CMYA5: variants seen among roughly 807,000 people sequenced by gnomAD.
The protein encoded by CMYA5 is cardiomyopathy associated 5, also known as cardiomyopathy-associated protein 5.
In CMYA5, 246 loss-of-function variants were observed where a neutral mutation model predicts 318.9. That is an observed-to-expected ratio of 0.77 (90% confidence interval 0.70 to 0.86). The LOEUF (loss-of-function observed/expected upper bound fraction) is 0.86, where lower values mean the gene tolerates loss of function less well. Among genes scored for constraint, CMYA5 ranks in the 40% least tolerant of loss-of-function variants. CMYA5 has a pLI of 0.00. For missense variants in CMYA5, 4,589 were observed against 4,678.2 expected, an observed-to-expected ratio of 0.98 and a Z score of 0.56; for synonymous variants, 1,641 against 1,729.5, an observed-to-expected ratio of 0.95 and a Z score of 1.27.
At chr5:79,793,332 G>C (rs1033352288) in intron 11 of CMYA5, 105 bp from the exon 12 acceptor site, 3 of 1,128,772 alleles carry the variant, frequency 2.7e-6, no homozygotes, top group Non-Finnish European at 3.9e-6. Context: ...CAGTTTCCAA[G>C]GGCAGAATCC....
intron 12 of CMYA5, among the ~76,000 whole-genome samples, chr5:79,795,376 A>G (rs528705942): frequency 6.6e-6 from 1 of 152,066 alleles, no homozygotes; most frequent in African/African-American, 2.4e-5. Context: ...TCTTGATTCT[A>G]CTCACAGAAT....
intron 1 of CMYA5, among the ~76,000 whole-genome samples, chr5:79,715,794 A>G (rs534759953): frequency 3.3e-5 from 5 of 152,296 alleles, no homozygotes; most frequent in African/African-American, 1.2e-4. Context: ...TCAAATTGTC[A>G]ACCCTATTTT....
Position 79,734,352 on chromosome 5 carries a change from T to G in CMYA5, c.5587T>G (p.Leu1863Val), listed in dbSNP as rs1184674239. Reference sequence around the variant, plus strand: ...TTCACTTATGAGAGAGAATTTGCCTTTGGAACAATCAAAATCATTTATGAC... The same window carrying G: ...TTCACTTATGAGAGAGAATTTGCCTGTGGAACAATCAAAATCATTTATGAC... ...QFSLMRENLP[L>V]EQSKSFMTTK... Residue 1863 changes from leucine to valine, a missense_variant, in exon 2 of 13, where the codon TTG becomes GTG. Transcript: ENST00000446378. 2 of 1,613,742 alleles carry G rather than the reference T, an allele frequency of 1.2e-6. No homozygotes were observed. The highest frequency in any genetic ancestry group is 1.3e-5 in the African/African-American group (1 of 74,922).
intron 1 of CMYA5, among the ~76,000 whole-genome samples, chr5:79,695,724 G>A (rs779514552): frequency 4.6e-5 from 7 of 152,188 alleles, no homozygotes; most frequent in Admixed American, 1.3e-4. Flanking sequence ...GAGTGGAAGC[G>A]GTTAATTTCA....
chr5:79,756,828 A>AATATTT (rs1271094033), intron 6 of CMYA5, among the ~76,000 whole-genome samples: 2 of 152,172 alleles, frequency 1.3e-5, no homozygotes, highest in African/African-American at 2.4e-5. Context: ...CCATATTATT[A>AATATTT]ATATTTCAGT....
chr5:79,791,172 G>A (rs1580809276), intron 11 of CMYA5, 103 bp downstream of exon 11: 1 of 716,660 alleles, frequency 1.4e-6, no homozygotes, highest in African/African-American at 1.7e-5. Context: ...ATGGTGCAGT[G>A]AACATGTCGG....
intron 9 of CMYA5, 105 bp downstream of exon 9, chr5:79,763,314 A>C (rs961518356): frequency 1.8e-5 from 19 of 1,038,316 alleles, no homozygotes; most frequent in Non-Finnish European, 2.6e-5. Context: ...AATGCCGTCT[A>C]AAATCCTGCT....
intron 2 of CMYA5, 48 bp from the exon 3 acceptor site, chr5:79,743,779 C>G (rs946869782): frequency 2.9e-5 from 29 of 1,013,328 alleles, no homozygotes; most frequent in African/African-American, 4.9e-5. Flanking sequence ...GGTTGAAGTT[C>G]TCTTCCTAAA....
chr5:79,797,041 A>G (rs1000195618), intron 12 of CMYA5, among the ~76,000 whole-genome samples: 32 of 152,228 alleles, frequency 2.1e-4, no homozygotes, highest in African/African-American at 6.8e-4. Context: ...GTATTTTCCA[A>G]TCTAGAAATG....
At chr5:79,712,310 T>G (rs1827410554) in intron 1 of CMYA5, among the ~76,000 whole-genome samples, 1 of 152,172 alleles carries the variant, frequency 6.6e-6, no homozygotes, top group African/African-American at 2.4e-5. Context: ...GTCTCCCAGA[T>G]TCAAGCGATT....
intron 1 of CMYA5, among the ~76,000 whole-genome samples, chr5:79,720,297 A>AGC (rs1827595422): frequency 6.6e-6 from 1 of 152,194 alleles, no homozygotes; most frequent in Admixed American, 6.5e-5. Flanking sequence ...GTAGTGGGGG[A>AGC]AAAAAGTCCA....
chr5:79,760,907 G>A (rs1166225841), intron 7 of CMYA5, among the ~76,000 whole-genome samples: 3 of 152,170 alleles, frequency 2.0e-5, no homozygotes, highest in African/African-American at 7.2e-5. Flanking sequence ...CATTGGAAAG[G>A]AGAGAGGCAA....
intron 2 of CMYA5, among the ~76,000 whole-genome samples, chr5:79,742,095 CTTCTTT>C (rs1384771214): frequency 4.2e-5 from 5 of 118,750 alleles, no homozygotes; most frequent in Middle Eastern, 4.5e-3. Flanking sequence ...TCTTCTTCTT[CTTCTTT>C]CTTCTTCTCT....
At chr5:79,713,307 C>G (rs573112860) in intron 1 of CMYA5, among the ~76,000 whole-genome samples, 79 of 129,228 alleles carry the variant, frequency 6.1e-4, no homozygotes, top group African/African-American at 1.9e-3. Context: ...GCCCCCACCC[C>G]CCACCCGCCG....
At chr5:79,788,588 T>C (rs898951696) in intron 9 of CMYA5, among the ~76,000 whole-genome samples, 1 of 152,262 alleles carries the variant, frequency 6.6e-6, no homozygotes, top group Middle Eastern at 3.4e-3. Flanking sequence ...TTTAGCATGA[T>C]GATCATGTAC....
rs192173722 is a variant in CMYA5, at chr5:79,756,080, T to G, written c.11111-2673T>G. 8.8e-4 allele frequency among the ~76,000 whole-genome samples: 134 copies of G among 152,370 alleles called. 1 individual carries two copies. The highest frequency in any genetic ancestry group is 8.4e-3 in the Admixed American group (128 of 15,304). ...ATCGACAATCCTTGAAACATTCTGC[T>G]TGGTCCTTTCATAGACCTGGGTAAC... On this transcript the variant is annotated intron_variant, in intron 6 of 12. Transcript: ENST00000446378.
At chr5:79,748,085 G>C (rs1828361335) in intron 5 of CMYA5, among the ~76,000 whole-genome samples, 1 of 152,018 alleles carries the variant, frequency 6.6e-6, no homozygotes, top group South Asian at 2.1e-4. Context: ...AAAATAATTT[G>C]ACTTATTGAC....
At chr5:79,724,279 G>C (rs12656704) in intron 1 of CMYA5, among the ~76,000 whole-genome samples, 2 of 151,978 alleles carry the variant, frequency 1.3e-5, no homozygotes, top group Non-Finnish European at 1.5e-5. Context: ...AGCCGAGATC[G>C]CACCATAAAC....
At chr5:79,704,998 C>T (rs562044187) in intron 1 of CMYA5, among the ~76,000 whole-genome samples, 7 of 152,314 alleles carry the variant, frequency 4.6e-5, no homozygotes, top group South Asian at 2.1e-4. Flanking sequence ...CCTGGCTTGG[C>T]GCAGTGGCTC....
Sources: gnomAD v4.1 joint callset for allele counts (sites outside exome capture counted in the v4.1 genomes callset) on GRCh38, gnomAD v4.1.1 for gene constraint, MANE v1.5 for transcripts, NCBI Gene and HGNC (gene_info 2026-07-23, HGNC 2026-07-21) for gene names.